The following PTPRN2 variants were observed in gnomAD, a reference collection of about 807,000 sequenced individuals.
PTPRN2 encodes the protein receptor-type tyrosine-protein phosphatase N2.
Under a neutral mutation model 118.8 loss-of-function variants are expected in PTPRN2, and 74 were observed. That is an observed-to-expected ratio of 0.62 (90% CI 0.52 to 0.76). The LOEUF (loss-of-function observed/expected upper bound fraction) is 0.76. Ranked by LOEUF, PTPRN2 falls within the 30% of genes least tolerant of loss-of-function variation. The pLI, the probability that PTPRN2 is intolerant of heterozygous loss-of-function variation, is 0.00. For synonymous variants in PTPRN2, 641 were observed against 608.0 expected, an observed-to-expected ratio of 1.05 and a Z score of -0.80; for missense variants, 1,481 against 1,394.4, an observed-to-expected ratio of 1.06 and a Z score of -0.99.
At chr7:157,730,662 C>T (rs1799842544) in intron 12 of PTPRN2, among the ~76,000 whole-genome samples, 1 of 152,206 alleles carries the variant, frequency 6.6e-6, no homozygotes, top group Non-Finnish European at 1.5e-5. Context: ...TGGAATTGTA[C>T]ACGGTATAGT....
At chr7:157,717,733 C>T (rs997191682) in intron 12 of PTPRN2, among the ~76,000 whole-genome samples, 6 of 152,250 alleles carry the variant, frequency 3.9e-5, no homozygotes, top group East Asian at 1.9e-4. Flanking sequence ...GGCCGGGGCA[C>T]GCAGCAGGCA....
chr7:158,357,535 C>T (rs914948048), intron 2 of PTPRN2, among the ~76,000 whole-genome samples: 1 of 152,232 alleles, frequency 6.6e-6, no homozygotes, highest in Non-Finnish European at 1.5e-5. Flanking sequence ...TGCTGGGCAA[C>T]CTGCATTTGC....
intron 11 of PTPRN2, among the ~76,000 whole-genome samples, chr7:158,009,566 A>C (rs893597180): frequency 3.3e-5 from 5 of 152,332 alleles, no homozygotes; most frequent in Middle Eastern, 3.4e-3. Flanking sequence ...TAATAATTGG[A>C]TAATCTTAAT....
chr7:158,577,487 A>G lies in PTPRN2; in HGVS notation c.112+10071T>C, dbSNP rs112612510. On this transcript the variant is annotated intron_variant, in intron 1 of 22. Coordinates refer to ENST00000389418, the MANE Select transcript of PTPRN2 (RefSeq NM_002847.5). The stretch of plus-strand genomic sequence containing the variant: ...CCACAGACAGCATGGGGCCTGCACA[A>G]CACTGAGGGCTCCCCACCCTGCCTG... Among the ~76,000 whole-genome samples the G allele has an allele frequency of 6.6e-3, 966 of 145,264 alleles. 3 individuals carry two copies. The highest frequency in any genetic ancestry group is 0.024 in the African/African-American group (917 of 38,572).
Position 157,953,754 on chromosome 7 carries a change from G to A in PTPRN2, c.1724-55017C>T, listed in dbSNP as rs1800982939. On this transcript the variant is annotated intron_variant, in intron 11 of 22. Transcript: ENST00000389418. This position sits in a 1 kb window ranked among gnomAD's most constrained non-coding sequence, Gnocchi z 4.6. ...CCCGGGGCAGCTGGTGGAAGCTGGG[G>A]TTAAGAGTGGAATACATGGCCAAAG... Among the ~76,000 whole-genome samples, 1 of 152,178 alleles carries A rather than the reference G, an allele frequency of 6.6e-6. No individual in the cohort carries two copies. Among genetic ancestry groups the A allele is most frequent in the African/African-American group, 2.4e-5 (1 of 41,440 alleles).
At chr7:157,984,314 T>C (rs868364024) in intron 11 of PTPRN2, among the ~76,000 whole-genome samples, 2 of 27,106 alleles carry the variant, frequency 7.4e-5, no homozygotes, top group Non-Finnish European at 7.1e-5. Flanking sequence ...CTCCACCCCA[T>C]CCCACGCCAG....
At chr7:158,578,765 T>C (rs959300873) in intron 1 of PTPRN2, among the ~76,000 whole-genome samples, 4 of 151,522 alleles carry the variant, frequency 2.6e-5, no homozygotes, top group African/African-American at 9.7e-5. Flanking sequence ...TTTTTTTTTT[T>C]GTTGTTGTTG....
intron 5 of PTPRN2, among the ~76,000 whole-genome samples, chr7:158,184,764 G>A (rs1825002453): frequency 6.6e-6 from 1 of 152,086 alleles, no homozygotes; most frequent in South Asian, 2.1e-4. Flanking sequence ...AGTGAGCCAA[G>A]ATTGTGCCAC....
intron 17 of PTPRN2, among the ~76,000 whole-genome samples, chr7:157,594,527 C>T (rs1026477341): frequency 6.6e-6 from 1 of 152,228 alleles, no homozygotes; most frequent in Non-Finnish European, 1.5e-5. Flanking sequence ...ACCTTCGTCC[C>T]CAGCTCGACT....
At chr7:158,553,493 C>A (rs1237295804) in intron 1 of PTPRN2, among the ~76,000 whole-genome samples, 1 of 150,916 alleles carries the variant, frequency 6.6e-6, no homozygotes. Flanking sequence ...TTCCTGTCTA[C>A]ACCACCTTAA....
rs1001799461 is a variant in PTPRN2 at position 157,603,851 on chromosome 7, G to A, written c.2418+151C>T. The stretch of plus-strand genomic sequence containing the variant: ...GCTGGTGAAGGAACAGGGGAGTGGC[G>A]GGAGCCCAATGGGCAGAGTCGGCCC... On this transcript the variant is annotated intron_variant, in intron 16 of 22. Transcript: ENST00000389418. This position sits in a 1 kb window ranked among gnomAD's most constrained non-coding sequence, Gnocchi z 5.4. 1.5e-5 allele frequency: 11 copies of A among 713,440 alleles called. No homozygotes were observed. Among genetic ancestry groups the A allele is most frequent in the Middle Eastern group, 2.4e-4 (1 of 4,106 alleles). 44.2% of individuals were successfully genotyped at this position (713,440 alleles called of 1,614,324 possible).
chr7:158,273,260 A>G (rs1798634185), intron 3 of PTPRN2, among the ~76,000 whole-genome samples: 1 of 152,184 alleles, frequency 6.6e-6, no homozygotes, highest in Non-Finnish European at 1.5e-5. Context: ...CTTGAAAATG[A>G]CACCGAACGT....
intron 3 of PTPRN2, among the ~76,000 whole-genome samples, chr7:158,223,953 T>C (rs1828560756): frequency 6.6e-6 from 1 of 152,172 alleles, no homozygotes; most frequent in Non-Finnish European, 1.5e-5. Flanking sequence ...CTCTCAAACC[T>C]AATAAGTTCT....
chr7:157,849,857 G>A (rs1809138719), intron 12 of PTPRN2, among the ~76,000 whole-genome samples: 1 of 152,132 alleles, frequency 6.6e-6, no homozygotes, highest in African/African-American at 2.4e-5. Context: ...CTTAGGGTTC[G>A]ATCACCATGG....
At chr7:158,299,092 G>A (rs936362858) in intron 3 of PTPRN2, among the ~76,000 whole-genome samples, 21 of 152,126 alleles carry the variant, frequency 1.4e-4, no homozygotes, top group African/African-American at 5.1e-4. Flanking sequence ...TCTGGTGAGC[G>A]ATGATGTCAG....
chr7:158,389,284 C>T (rs1456218836), intron 2 of PTPRN2, among the ~76,000 whole-genome samples: 2 of 152,234 alleles, frequency 1.3e-5, no homozygotes, highest in African/African-American at 2.4e-5. Flanking sequence ...GCCCAGGCTG[C>T]GACGCATGTG....
chr7:157,620,369 A>G (rs1803085421), intron 15 of PTPRN2, among the ~76,000 whole-genome samples: 1 of 152,134 alleles, frequency 6.6e-6, no homozygotes, highest in African/African-American at 2.4e-5. Flanking sequence ...AGTCCACGAG[A>G]GTCACTCGGA....
intron 12 of PTPRN2, among the ~76,000 whole-genome samples, chr7:157,880,556 C>T (rs1040557950): frequency 6.6e-6 from 1 of 152,218 alleles, no homozygotes; most frequent in African/African-American, 2.4e-5. Context: ...AGGGACCCGG[C>T]CCATAGGCAG....
chr7:157,943,036 G>A (rs938586265), intron 11 of PTPRN2, among the ~76,000 whole-genome samples: 11 of 152,292 alleles, frequency 7.2e-5, no homozygotes, highest in East Asian at 1.9e-4. Context: ...CAGGAGGGCC[G>A]GGCCTGGTGC....
Sources: gnomAD v4.1 joint callset for allele counts (sites outside exome capture counted in the v4.1 genomes callset) on GRCh38, gnomAD v4.1.1 for gene constraint, Gnocchi (gnomAD v3.1) non-coding constraint, MANE v1.5 for transcripts, NCBI Gene and HGNC (gene_info 2026-07-23, HGNC 2026-07-21) for gene names.